COL21A1: variants seen among roughly 807,000 people sequenced by gnomAD.
COL21A1 encodes collagen type XXI alpha 1 chain.
COL21A1 carries 149 observed loss-of-function variants against 137.9 expected under a neutral mutation model. The ratio of observed to expected loss-of-function variants is 1.08; its 90% CI spans 0.95 to 1.24. The LOEUF (loss-of-function observed/expected upper bound fraction) is 1.24. COL21A1 is among the 50% of genes most tolerant of loss of function. The pLI is 0.00. For missense variants in COL21A1, 1,167 were observed against 1,158.4 expected (o/e 1.01, Z -0.11); for synonymous variants, 456 against 391.5 (o/e 1.16, Z -1.95).
At position 56,220,608 on chromosome 6, in the gene COL21A1, C is replaced by A. The variant is rs573923167; in HGVS notation, c.-39+26779G>T. Among the ~76,000 whole-genome samples the A allele has an allele frequency of 2.6e-5, 4 of 152,218 alleles. No homozygotes were observed. The East Asian group carries it at 7.7e-4, about 29-fold the overall frequency. ...CACTCATAACAGAGTCGGAAGGACA[C>A]AAGATGTCCGCACTGTACTTGAACT... On this transcript the variant is annotated intron_variant, in intron 1 of 29. Transcript: ENST00000244728.
chr6:56,259,416 C>T lies in COL21A1; in HGVS notation c.-38-76760G>A, dbSNP rs115315037. Among the ~76,000 whole-genome samples, 943 of 152,324 alleles carry T rather than the reference C, an allele frequency of 6.2e-3. 13 individuals carry two copies. The highest frequency in any genetic ancestry group is 0.021 in the African/African-American group (874 of 41,570). On this transcript the variant is annotated intron_variant, in intron 1 of 28. Coordinates refer to the COL21A1 transcript ENST00000370819. ...CTAGTACATTCCCATCATTGCTGAG[C>T]GCTCACTCACTAATTATGTATTTAA...
chr6:56,179,042 ATTGT>A (rs1203139870), intron 3 of COL21A1, among the ~76,000 whole-genome samples: 1 of 99,508 alleles, frequency 1.0e-5, no homozygotes, highest in Non-Finnish European at 2.2e-5. Flanking sequence ...ACAGTAGGAA[ATTGT>A]CTGCTATCCT....
At chr6:56,260,608 A>G (rs1421936761) in intron 1 of COL21A1, among the ~76,000 whole-genome samples, 1 of 137,426 alleles carries the variant, frequency 7.3e-6, no homozygotes, top group African/African-American at 2.7e-5. Flanking sequence ...AAGAAGAAGA[A>G]GAAAGAAAGA....
intron 1 of COL21A1, among the ~76,000 whole-genome samples, chr6:56,300,782 G>A (rs1239517211): frequency 6.6e-6 from 1 of 152,012 alleles, no homozygotes; most frequent in Non-Finnish European, 1.5e-5. Flanking sequence ...GATAAATACT[G>A]CTCTAAAATC....
chr6:56,243,918 T>TGC (rs1290528988), intron 1 of COL21A1, among the ~76,000 whole-genome samples: 2 of 152,200 alleles, frequency 1.3e-5, no homozygotes, highest in Non-Finnish European at 2.9e-5. Context: ...TTCAACTTTG[T>TGC]TTCTCACAAG....
intron 1 of COL21A1, among the ~76,000 whole-genome samples, chr6:56,261,890 T>A (rs1763285846): frequency 6.6e-6 from 1 of 152,174 alleles, no homozygotes; most frequent in African/African-American, 2.4e-5. Flanking sequence ...GATCACTGCA[T>A]CAGTGGAAGA....
chr6:56,219,153 G>A (rs1365551005), intron 1 of COL21A1, among the ~76,000 whole-genome samples: 1 of 142,926 alleles, frequency 7.0e-6, no homozygotes, highest in Non-Finnish European at 1.5e-5. Flanking sequence ...ACCAGCGACT[G>A]CTAGCTCAGT....
chr6:56,084,144 T>G (rs147806513), intron 17 of COL21A1, among the ~76,000 whole-genome samples: 130 of 151,984 alleles, frequency 8.6e-4, no homozygotes, highest in African/African-American at 2.8e-3. Flanking sequence ...AACCATAATT[T>G]ATATTTTAAA....
chr6:56,188,301 T>G (rs1778427498), intron 1 of COL21A1, among the ~76,000 whole-genome samples: 1 of 152,214 alleles, frequency 6.6e-6, no homozygotes, highest in African/African-American at 2.4e-5. Flanking sequence ...AATGAAATTG[T>G]GTGTCCACAG....
chr6:56,313,685 A>C (rs1764663335), intron 1 of COL21A1, among the ~76,000 whole-genome samples: 1 of 152,190 alleles, frequency 6.6e-6, no homozygotes, highest in Non-Finnish European at 1.5e-5. Flanking sequence ...TGAGTTCAAC[A>C]TACAACCATT....
chr6:56,062,490 A>C (rs1241028243), intron 24 of COL21A1, among the ~76,000 whole-genome samples: 2 of 152,154 alleles, frequency 1.3e-5, no homozygotes, highest in African/African-American at 4.8e-5. Flanking sequence ...CTCAGGAAAA[A>C]AGATAAAACT....
chr6:56,239,692 G>A (rs1782147143), intron 1 of COL21A1, among the ~76,000 whole-genome samples: 1 of 152,090 alleles, frequency 6.6e-6, no homozygotes, highest in African/African-American at 2.4e-5. Flanking sequence ...AGAAAAAGCT[G>A]TTATTACTCA....
At chr6:56,375,320 T>G (rs2152350996) in intron 1 of COL21A1, among the ~76,000 whole-genome samples, 1 of 152,332 alleles carries the variant, frequency 6.6e-6, no homozygotes, top group Middle Eastern at 3.4e-3. Context: ...CTGAGGAGGC[T>G]GAACCGTATG....
At chr6:56,381,739 A>G (rs1218854123) in intron 1 of COL21A1, among the ~76,000 whole-genome samples, 1 of 152,230 alleles carries the variant, frequency 6.6e-6, no homozygotes, top group African/African-American at 2.4e-5. Flanking sequence ...CCAACCTTCT[A>G]GCAAAATAAG....
In COL21A1 at chr6:56,158,311, C is replaced by G. The variant is rs375760411; in HGVS notation, c.1372-1362G>C. The stretch of plus-strand genomic sequence containing the variant: ...TTTCTGAGATGGGGTCTTGCTTTGT[C>G]ACCCAGACTGGAGTGCAGTGGTGTG... On this transcript the variant is annotated intron_variant, in intron 9 of 29. Coordinates refer to ENST00000244728, the MANE Select transcript of COL21A1 (RefSeq NM_030820.4). Among the ~76,000 whole-genome samples, 24 of 89,802 alleles carry G rather than the reference C, an allele frequency of 2.7e-4. No individual in the cohort carries two copies. In the East Asian group the frequency reaches 4.5e-3, roughly 17 times the overall value. The allele number at this position is 89,802 out of a possible 152,430, so 58.9% of individuals were successfully genotyped here. A position where few individuals can be genotyped will look rare whatever the true frequency, so the allele number is the denominator to read the frequency against.
At chr6:56,230,297 T>C (rs1781476065) in intron 1 of COL21A1, among the ~76,000 whole-genome samples, 1 of 151,924 alleles carries the variant, frequency 6.6e-6, no homozygotes, top group Admixed American at 6.6e-5. Context: ...GTCAACATTT[T>C]ACTCTTTTTT....
At chr6:56,118,619 T>G (rs1044274843) in intron 16 of COL21A1, among the ~76,000 whole-genome samples, 10 of 151,748 alleles carry the variant, frequency 6.6e-5, no homozygotes, top group African/African-American at 2.4e-4. Flanking sequence ...GACAAAAACA[T>G]ACCACAAAAC....
At chr6:56,209,675 G>A (rs1780031513) in intron 1 of COL21A1, among the ~76,000 whole-genome samples, 1 of 152,038 alleles carries the variant, frequency 6.6e-6, no homozygotes, top group Non-Finnish European at 1.5e-5. Flanking sequence ...TTTTACACTT[G>A]GTGGGAGTGT....
Position 56,112,895 on chromosome 6 carries a change from G to A in COL21A1, c.1758+11167C>T, listed in dbSNP as rs142829000. 3.4e-3 allele frequency among the ~76,000 whole-genome samples: 515 copies of A among 152,130 alleles called. 2 individuals are homozygous for A. The highest frequency in any genetic ancestry group is 0.024 in the Middle Eastern group (7 of 294). ...GATGGGGTTTCTCCATGTTGGTCAG[G>A]CTGGTCTCAAACTCCTGACCTCAGG... On this transcript the variant is annotated intron_variant, in intron 16 of 29. Transcript: ENST00000244728.
Sources: allele counts gnomAD v4.1 joint callset (sites outside exome capture counted in the v4.1 genomes callset), GRCh38; gene constraint gnomAD v4.1.1; transcripts MANE v1.5; gene names NCBI Gene and HGNC (gene_info 2026-07-23, HGNC 2026-07-21).